ARL8B: variants seen among roughly 807,000 people sequenced by gnomAD.
ARL8B encodes the protein ADP-ribosylation factor-like protein 8B.
In ARL8B, 9 loss-of-function variants were observed where a neutral mutation model predicts 30.6. The ratio of observed to expected loss-of-function variants is 0.29; its 90% CI spans 0.18 to 0.51. The LOEUF is 0.51. ARL8B is among the 20% of genes least tolerant of loss of function. The probability of loss-of-function intolerance (pLI) is 0.97; values close to 1 mark genes in which losing one functional copy is unlikely to be tolerated. For missense variants in ARL8B, 130 were observed against 227.2 expected (o/e 0.57, Z 2.75); for synonymous variants, 74 against 76.0 (o/e 0.97, Z 0.14).
intron 1 of ARL8B, chr3:5,128,598 T>C (rs1434156420): frequency 1.9e-5 from 6 of 321,478 alleles, no homozygotes; most frequent in Non-Finnish European, 3.1e-5. Context: ...AGTGGATGGT[T>C]ACTGAACATG....
Position 5,180,038 on chromosome 3 carries a change from ACT to A in ARL8B, c.*1328_*1329del, listed in dbSNP as rs1329373182. On this transcript the variant is annotated 3_prime_UTR_variant, in exon 7 of 7. Coordinates refer to ENST00000256496, the MANE Select transcript of ARL8B (RefSeq NM_018184.3). ...CATATAGACCACTGTAGTAGATAAA[ACT>A]CTATGGTACACCTGCTTATGTGTTG... 6.6e-6 allele frequency: 1 copy of A among 152,502 alleles called. No homozygotes were observed. Among genetic ancestry groups the A allele is most frequent in the Non-Finnish European group, 1.5e-5 (1 of 68,014 alleles). The allele number at this position is 152,502 out of a possible 1,614,324, so 9.4% of individuals were successfully genotyped here. A position where few individuals can be genotyped will look rare whatever the true frequency, so the allele number is the denominator to read the frequency against.
intron 1 of ARL8B, chr3:5,157,651 C>T (rs1308294673): frequency 5.9e-5 from 9 of 152,202 alleles, no homozygotes; most frequent in Admixed American, 5.2e-4. Context: ...AGCTTCCAGG[C>T]TTGGTTTTGT....
At chr3:5,177,404 G>GA (rs2054739806) in intron 6 of ARL8B, among the ~76,000 whole-genome samples, 1 of 151,360 alleles carries the variant, frequency 6.6e-6, no homozygotes. Flanking sequence ...TTGTCTTTAG[G>GA]ATATGAACTT....
chr3:5,147,620 C>G (rs938394574), intron 1 of ARL8B, among the ~76,000 whole-genome samples: 1 of 152,114 alleles, frequency 6.6e-6, no homozygotes, highest in South Asian at 2.1e-4. Context: ...ACTACCTCTT[C>G]CACAGTGGAA....
At chr3:5,176,595 A>T (rs537037640) in intron 6 of ARL8B, among the ~76,000 whole-genome samples, 2 of 152,264 alleles carry the variant, frequency 1.3e-5, no homozygotes, top group Admixed American at 6.5e-5. Flanking sequence ...GGCTTCCTTT[A>T]AAGACCATCC....
chr3:5,177,164 A>G (rs926355863), intron 6 of ARL8B, among the ~76,000 whole-genome samples: 4 of 152,208 alleles, frequency 2.6e-5, no homozygotes, highest in Non-Finnish European at 4.4e-5. Flanking sequence ...ATGGAAGTGC[A>G]GTAGAGCTGT....
At chr3:5,172,563 TAC>T in intron 3 of ARL8B, 82 bp from the exon 4 acceptor site, 1 of 945,100 alleles carries the variant, frequency 1.1e-6, no homozygotes, top group South Asian at 1.6e-5. Context: ...ATGTAAATCT[TAC>T]AAAAATTAAA....
chr3:5,131,958 A>G (rs2054287063), intron 1 of ARL8B, among the ~76,000 whole-genome samples: 1 of 152,124 alleles, frequency 6.6e-6, no homozygotes, highest in Admixed American at 6.5e-5. Flanking sequence ...ATCATGGCTC[A>G]CTGCTGCCTC....
In ARL8B at chr3:5,151,728, C is replaced by A. The variant is rs558638729; in HGVS notation, c.124-18775C>A. On this transcript the variant is annotated intron_variant, in intron 1 of 6. Transcript: ENST00000256496. ...TGAAGCTTTTCTCCCCCCACCCCCC[C>A]CCTTGGAGATAGGATCTTGCTGTCT... Among the ~76,000 whole-genome samples, 136 of 128,606 alleles carry A rather than the reference C, an allele frequency of 1.1e-3. 1 individual carries two copies. The highest frequency in any genetic ancestry group is 3.7e-3 in the African/African-American group (122 of 32,786). The allele number at this position is 128,606 out of a possible 152,430, so 84.4% of individuals were successfully genotyped here.
intron 1 of ARL8B, among the ~76,000 whole-genome samples, chr3:5,162,189 T>TTCATAAACTCTG (rs2054589884): frequency 1.3e-5 from 2 of 152,322 alleles, no homozygotes; most frequent in Admixed American, 1.3e-4. Flanking sequence ...AGAGCCAGAG[T>TTCATAAACTCTG]TCATAAATGC....
intron 1 of ARL8B, among the ~76,000 whole-genome samples, chr3:5,149,033 T>G (rs531191392): frequency 7.2e-5 from 11 of 152,230 alleles, no homozygotes; most frequent in Non-Finnish European, 1.6e-4. Context: ...CATCGGTTTG[T>G]CCGTCTCTGG....
chr3:5,142,293 A>C (rs2054381391), intron 1 of ARL8B, among the ~76,000 whole-genome samples: 1 of 152,108 alleles, frequency 6.6e-6, no homozygotes, highest in African/African-American at 2.4e-5. Context: ...GGGCTTATTG[A>C]ACTCTGCCCC....
intron 1 of ARL8B, among the ~76,000 whole-genome samples, chr3:5,145,284 A>G (rs766810666): frequency 6.6e-6 from 1 of 152,094 alleles, no homozygotes; most frequent in Non-Finnish European, 1.5e-5. Flanking sequence ...TTACGACCAA[A>G]TCTTTTTTTT....
At chr3:5,151,741 G>A (rs2054486280) in intron 1 of ARL8B, among the ~76,000 whole-genome samples, 1 of 134,990 alleles carries the variant, frequency 7.4e-6, no homozygotes, top group African/African-American at 2.9e-5. Flanking sequence ...TTGGAGATAG[G>A]ATCTTGCTGT....
At chr3:5,170,790 G>A (rs2054666176) in intron 2 of ARL8B, 1 of 431,314 alleles carries the variant, frequency 2.3e-6, no homozygotes, top group South Asian at 2.6e-5. Context: ...GGAGTGCAGT[G>A]TCGCGATCTC....
chr3:5,151,468 T>C (rs2054483261), intron 1 of ARL8B, among the ~76,000 whole-genome samples: 1 of 152,128 alleles, frequency 6.6e-6, no homozygotes, highest in Non-Finnish European at 1.5e-5. Flanking sequence ...TTTGAGTCTA[T>C]AAATTTTCTT....
chr3:5,127,140 T>A (rs2054237613), intron 1 of ARL8B, among the ~76,000 whole-genome samples: 1 of 152,166 alleles, frequency 6.6e-6, no homozygotes, highest in South Asian at 2.1e-4. Flanking sequence ...AAACCTTGAT[T>A]AAGTAGTCTA....
At chr3:5,178,185 A>G (rs2054746368) in intron 6 of ARL8B, among the ~76,000 whole-genome samples, 1 of 151,164 alleles carries the variant, frequency 6.6e-6, no homozygotes. Flanking sequence ...TGTATCACTC[A>G]CAATCCATCC....
intron 1 of ARL8B, among the ~76,000 whole-genome samples, chr3:5,145,555 G>A (rs960571108): frequency 2.0e-5 from 3 of 152,140 alleles, no homozygotes; most frequent in African/African-American, 7.2e-5. Flanking sequence ...AGTGAGCACC[G>A]CAAGGGGCAT....
Sources: gnomAD v4.1 joint callset for allele counts (sites outside exome capture counted in the v4.1 genomes callset) on GRCh38, gnomAD v4.1.1 for gene constraint, MANE v1.5 for transcripts, NCBI Gene and HGNC (gene_info 2026-07-23, HGNC 2026-07-21) for gene names.